Variants in SUGP2 observed in about 807,000 individuals in gnomAD.
SUGP2 encodes SURP and G-patch domain-containing protein 2.
In SUGP2, 24 loss-of-function variants were observed where a neutral mutation model predicts 90.5. The ratio of observed to expected loss-of-function variants is 0.27; its 90% CI spans 0.19 to 0.37. The LOEUF is 0.37. SUGP2 is among the 10% of genes least tolerant of loss of function. The pLI, the probability that SUGP2 is intolerant of heterozygous loss-of-function variation, is 1.00. For synonymous variants in SUGP2, 473 were observed against 513.4 expected (o/e 0.92, Z 1.06); for missense variants, 1,233 against 1,363.3 (o/e 0.90, Z 1.51).
At chr19:19,011,297 A>G (rs1260818256) in intron 4 of SUGP2, among the ~76,000 whole-genome samples, 1 of 150,558 alleles carries the variant, frequency 6.6e-6, no homozygotes, top group Non-Finnish European at 1.5e-5. Context: ...ACAGGCGCGC[A>G]CCACCACGCC....
chr19:19,005,197 G>C (rs1242665212), intron 6 of SUGP2, among the ~76,000 whole-genome samples: 1 of 152,176 alleles, frequency 6.6e-6, no homozygotes, highest in Non-Finnish European at 1.5e-5. Flanking sequence ...TGTGCCTCAG[G>C]GGTCTGGTGG....
chr19:19,015,784 C>T (rs146630328), intron 4 of SUGP2, among the ~76,000 whole-genome samples: 26 of 152,294 alleles, frequency 1.7e-4, no homozygotes, highest in African/African-American at 5.5e-4. Context: ...GGATTACAGG[C>T]GTGAGCCACT....
chr19:19,025,912 G>T lies in SUGP2; in HGVS notation c.436C>A (p.Gln146Lys), dbSNP rs545851149. The T allele has an allele frequency of 1.9e-6, 3 of 1,614,198 alleles. No homozygotes were observed. Among genetic ancestry groups the T allele is most frequent in the South Asian group, 2.2e-5 (2 of 91,086 alleles). Reference sequence around the variant, plus strand: ...TGAGAAACTGGATGGCCAAAGTCTTGTTCCCAAGAACCACGGAGCGCAAAT... The same window carrying T: ...TGAGAAACTGGATGGCCAAAGTCTTTTTCCCAAGAACCACGGAGCGCAAAT... Reference protein sequence around the residue: ...WKFALRGSWEQDFGHPVSQES... With the variant: ...WKFALRGSWEKDFGHPVSQES... Residue 146 changes from glutamine (Q) to lysine (K), a missense_variant, in exon 3 of 11, where the codon CAA (glutamine) becomes AAA (lysine). Transcript: ENST00000452918.
chr19:19,001,571 C>A, intron 8 of SUGP2, 42 bp downstream of exon 8: 1 of 1,600,062 alleles, frequency 6.2e-7, no homozygotes, highest in South Asian at 1.1e-5. Context: ...CAAATTCTAA[C>A]CAACTATACT....
In SUGP2 at chr19:18,995,127, G is replaced by A; in HGVS notation, c.3128+17C>T. ...TGAGGCCCCACCCACTCCCACCCCA[G>A]GCTGCCTGCTGCGTACACGCTGACC... On this transcript the variant is annotated intron_variant, in intron 9 of 10. Transcript: ENST00000452918. The A allele has an allele frequency of 9.4e-7, 1 of 1,068,838 alleles. No homozygotes were observed. The highest frequency in any genetic ancestry group is 1.6e-5 in the African/African-American group (1 of 62,814). The allele number at this position is 1,068,838 out of a possible 1,614,324, so 66.2% of individuals were successfully genotyped here. A position where few individuals can be genotyped will look rare whatever the true frequency, so the allele number is the denominator to read the frequency against.
At chr19:19,001,015 TTC>T (rs1383968611) in intron 8 of SUGP2, among the ~76,000 whole-genome samples, 22 of 150,678 alleles carry the variant, frequency 1.5e-4, no homozygotes, top group Admixed American at 1.2e-3. Flanking sequence ...TAGCTTGAAC[TTC>T]TTTTTTTTTT....
At chr19:19,017,761 A>G (rs1044033957) in intron 4 of SUGP2, among the ~76,000 whole-genome samples, 17 of 152,052 alleles carry the variant, frequency 1.1e-4, no homozygotes, top group Admixed American at 2.0e-4. Context: ...ACAGAGCAAG[A>G]TTCCGTTAAC....
At chr19:19,033,626 C>T, upstream of SUGP2, 2 of 1,146,828 alleles carry the variant, frequency 1.7e-6, no homozygotes, top group African/African-American at 1.6e-5. Context: ...CTTGCGCAAG[C>T]GCGCTGTCCG....
intron 8 of SUGP2, among the ~76,000 whole-genome samples, chr19:18,996,036 T>A (rs1457275865): frequency 1.3e-5 from 2 of 152,158 alleles, no homozygotes; most frequent in Non-Finnish European, 2.9e-5. Flanking sequence ...GACACACTGC[T>A]GTGTGACAGA....
At chr19:19,004,707 T>G in intron 6 of SUGP2, 61 bp from the exon 7 acceptor site, 2 of 1,368,026 alleles carry the variant, frequency 1.5e-6, no homozygotes, top group Non-Finnish European at 2.0e-6. Flanking sequence ...TTTTATTTGC[T>G]GAAACTGCTG....
chr19:19,013,952 GA>G (rs1328829898), intron 4 of SUGP2, among the ~76,000 whole-genome samples: 3 of 152,210 alleles, frequency 2.0e-5, no homozygotes, highest in Admixed American at 6.5e-5. Context: ...TCCAAACAAG[GA>G]AGTAAAGCCA....
At chr19:19,020,960 G>C (rs1255474337) in intron 3 of SUGP2, among the ~76,000 whole-genome samples, 1 of 151,874 alleles carries the variant, frequency 6.6e-6, no homozygotes, top group Non-Finnish European at 1.5e-5. Context: ...AGGAGTTCGA[G>C]ACCAGCCTGA....
Position 19,010,080 on chromosome 19 carries a change from A to G in SUGP2, c.2113T>C (p.Ser705Pro). 6.2e-7 allele frequency: 1 copy of G among 1,613,074 alleles called. No individual in the cohort carries two copies. The highest frequency in any genetic ancestry group is 2.2e-5 in the East Asian group (1 of 44,780). The change falls in exon 5 of 11, where the codon TCC (serine) becomes CCC (proline). Residue 705 changes from serine (S) to proline (P), a missense_variant. Ser to Pro is a moderately conservative substitution (Grantham distance 74). Around this residue, in one of 8 missense-constraint regions of SUGP2, gnomAD observed 540 missense variants for 542.6 expected, o/e 1.00. Transcript: ENST00000452918. ...RATTGTQTLLSSGTRLKHHGR... is the reference protein window; with the variant it reads ...RATTGTQTLLPSGTRLKHHGR... ...TGGTGTTTCAGCCTGGTGCCTGAGGATAGGAGGGTCTGGGTCCCGGTGGTC... is the reference window on the plus strand; with the variant it reads ...TGGTGTTTCAGCCTGGTGCCTGAGGGTAGGAGGGTCTGGGTCCCGGTGGTC...
Position 19,019,359 on chromosome 19 carries a change from AAG to A in SUGP2, c.1730-132_1730-131del, listed in dbSNP as rs2058622079. On this transcript the variant is annotated intron_variant, in intron 3 of 10. Transcript: ENST00000452918. Reference sequence around the variant, plus strand: ...ATCAACAACCGAAATCCTCATTCACAAGACACCAGCATTGAAAAGAGGAAAAC... The same window carrying A: ...ATCAACAACCGAAATCCTCATTCACAACACCAGCATTGAAAAGAGGAAAAC... The A allele has an allele frequency of 5.0e-6, 5 of 1,007,228 alleles. No homozygotes were observed. In the East Asian group the frequency reaches 1.4e-4, roughly 27 times the overall value. The allele number at this position is 1,007,228 out of a possible 1,614,324, so 62.4% of individuals were successfully genotyped here. A position where few individuals can be genotyped will look rare whatever the true frequency, so the allele number is the denominator to read the frequency against.
intron 2 of SUGP2, 82 bp from the exon 3 acceptor site, chr19:19,026,308 G>T: frequency 7.3e-7 from 1 of 1,370,084 alleles, no homozygotes; most frequent in Admixed American, 2.9e-5. Context: ...CAAACAAACA[G>T]TCCACGGATC....
chr19:18,999,946 C>G (rs1186424028), intron 8 of SUGP2, among the ~76,000 whole-genome samples: 3 of 152,204 alleles, frequency 2.0e-5, no homozygotes, highest in Non-Finnish European at 4.4e-5. Flanking sequence ...CACACCCAGC[C>G]CACAAGCAGG....
intron 8 of SUGP2, among the ~76,000 whole-genome samples, chr19:18,996,647 G>T (rs1203771097): frequency 6.6e-6 from 1 of 152,092 alleles, no homozygotes; most frequent in African/African-American, 2.4e-5. Context: ...CCGCCTCCTG[G>T]GTTCAAGCGA....
intron 4 of SUGP2, among the ~76,000 whole-genome samples, chr19:19,012,011 A>G (rs898663390): frequency 6.6e-6 from 1 of 152,192 alleles, no homozygotes; most frequent in Non-Finnish European, 1.5e-5. Context: ...GTTCCAGATT[A>G]CCAGTGACAA....
At chr19:18,997,058 T>C (rs1340167946) in intron 8 of SUGP2, among the ~76,000 whole-genome samples, 2 of 151,988 alleles carry the variant, frequency 1.3e-5, no homozygotes, top group Non-Finnish European at 2.9e-5. Flanking sequence ...TGCTGAGTGC[T>C]GTGAGCTCAG....
Sources: allele counts gnomAD v4.1 joint callset (sites outside exome capture counted in the v4.1 genomes callset), GRCh38; gene constraint gnomAD v4.1.1; regional missense constraint gnomAD v4.1.1; transcripts MANE v1.5; gene names NCBI Gene and HGNC (gene_info 2026-07-23, HGNC 2026-07-21).